The following CSMD3 variants were observed in gnomAD, a reference collection of about 807,000 sequenced individuals.
CSMD3 encodes CUB and Sushi multiple domains 3, also known as CUB and sushi domain-containing protein 3.
Under a neutral mutation model 435.2 loss-of-function variants are expected in CSMD3, and 177 were observed. The ratio of observed to expected loss-of-function variants is 0.41; its 90% CI spans 0.36 to 0.46. The LOEUF is 0.46. Ranked by LOEUF, CSMD3 falls within the 20% of genes least tolerant of loss-of-function variation. CSMD3 has a pLI of 0.34. For synonymous variants in CSMD3, 1,656 were observed against 1,520.5 expected (o/e 1.09, Z -2.07); for missense variants, 4,265 against 4,504.6 (o/e 0.95, Z 1.52).
At chr8:112,981,337 C>T (rs2085046740) in intron 6 of CSMD3, among the ~76,000 whole-genome samples, 1 of 151,268 alleles carries the variant, frequency 6.6e-6, no homozygotes, top group Non-Finnish European at 1.5e-5. Flanking sequence ...ATTCATGTAA[C>T]AGATTTTCTA....
rs142193450 is a variant in CSMD3, at chr8:112,441,724, T to C, written c.5395+30867A>G. ...GTAAGAAGGAGAAGAATGAGAGAAG[T>C]TCAGAGTGAAGGGGGAAAAGGCCCT... is the stretch of plus-strand genomic sequence containing the variant. On this transcript the variant is annotated intron_variant, in intron 32 of 70. Transcript: ENST00000297405. 8.0e-3 allele frequency among the ~76,000 whole-genome samples: 1,214 copies of C among 152,144 alleles called. 23 individuals carry two copies. The highest frequency in any genetic ancestry group is 0.027 in the African/African-American group (1,128 of 41,498).
chr8:113,244,945 T>A (rs1361660640), intron 3 of CSMD3, among the ~76,000 whole-genome samples: 1 of 152,188 alleles, frequency 6.6e-6, no homozygotes, highest in East Asian at 1.9e-4. Context: ...CTTTCATTTA[T>A]GTCAATTTTT....
chr8:113,340,232 TA>T (rs1456641528), intron 1 of CSMD3, among the ~76,000 whole-genome samples: 3 of 152,122 alleles, frequency 2.0e-5, no homozygotes, highest in African/African-American at 7.2e-5. Flanking sequence ...CATCCTTGAT[TA>T]TTAGAGTCAA....
At chr8:113,064,112 T>A (rs1399591439) in intron 5 of CSMD3, among the ~76,000 whole-genome samples, 1 of 151,766 alleles carries the variant, frequency 6.6e-6, no homozygotes, top group Non-Finnish European at 1.5e-5. Context: ...TAAAATTCAT[T>A]GCTTAAACTA....
At chr8:112,944,528 A>G (rs889474025) in intron 9 of CSMD3, among the ~76,000 whole-genome samples, 3 of 151,774 alleles carry the variant, frequency 2.0e-5, no homozygotes, top group Non-Finnish European at 4.4e-5. Context: ...AAAATGCCTC[A>G]TTATTTCAGT....
Position 112,307,172 on chromosome 8 carries a change from G to T in CSMD3, c.7886-980C>A, listed in dbSNP as rs1031704537. Among the ~76,000 whole-genome samples the T allele has an allele frequency of 2.0e-5, 3 of 151,704 alleles. No homozygotes were observed. In the East Asian group the frequency reaches 5.8e-4, roughly 29 times the overall value. The stretch of plus-strand genomic sequence containing the variant: ...AGGAGTCTCAATCTGCCGCCTGGCT[G>T]GAGTGCGGTGGCACTATCTGGGATC... On this transcript the variant is annotated intron_variant, in intron 50 of 70. Transcript: ENST00000297405.
chr8:112,772,736 G>A (rs1039356971), intron 13 of CSMD3, among the ~76,000 whole-genome samples: 4 of 152,052 alleles, frequency 2.6e-5, no homozygotes, highest in African/African-American at 4.8e-5. Context: ...TCCATCTACT[G>A]AGATAGGGGA....
chr8:113,306,436 A>G (rs913624433), intron 2 of CSMD3, among the ~76,000 whole-genome samples: 9 of 152,138 alleles, frequency 5.9e-5, no homozygotes, highest in African/African-American at 2.2e-4. Context: ...AAATCACTGG[A>G]GTGCACTGAC....
intron 27 of CSMD3, among the ~76,000 whole-genome samples, chr8:112,529,620 G>A (rs1428954432): frequency 6.6e-6 from 1 of 151,922 alleles, no homozygotes; most frequent in Non-Finnish European, 1.5e-5. Context: ...CCAGCTGTCT[G>A]TTTCTCCTTG....
chr8:113,406,227 G>C (rs540000011), intron 1 of CSMD3, among the ~76,000 whole-genome samples: 2 of 151,984 alleles, frequency 1.3e-5, no homozygotes, highest in Admixed American at 6.6e-5. Context: ...GTTCAGTTCT[G>C]ATACTTAATG....
chr8:112,778,750 A>G (rs532327509), intron 13 of CSMD3, among the ~76,000 whole-genome samples: 1 of 152,032 alleles, frequency 6.6e-6, no homozygotes, highest in Non-Finnish European at 1.5e-5. Context: ...TTTGTAAGAA[A>G]CTACCAAACT....
At chr8:112,467,822 C>T (rs1818113434) in intron 32 of CSMD3, among the ~76,000 whole-genome samples, 1 of 152,128 alleles carries the variant, frequency 6.6e-6, no homozygotes, top group Admixed American at 6.6e-5. Context: ...AACCTCAAGG[C>T]TTGCTGGGAG....
chr8:112,324,519 T>C (rs1823306904), intron 45 of CSMD3, among the ~76,000 whole-genome samples: 1 of 151,788 alleles, frequency 6.6e-6, no homozygotes, highest in South Asian at 2.1e-4. Context: ...TATATGCTAA[T>C]AGTTGGTGAG....
chr8:112,374,177 CAGT>C (rs1339722375), intron 38 of CSMD3, among the ~76,000 whole-genome samples: 1 of 150,142 alleles, frequency 6.7e-6, no homozygotes, highest in Non-Finnish European at 1.5e-5. Context: ...ACTGATTAGA[CAGT>C]AGATTTGCAA....
intron 10 of CSMD3, among the ~76,000 whole-genome samples, chr8:112,898,705 C>T (rs1013866870): frequency 4.6e-5 from 7 of 151,130 alleles, no homozygotes; most frequent in African/African-American, 1.7e-4. Context: ...TGTGCATGCA[C>T]ACCAACATGT....
chr8:112,824,093 T>C (rs990975399), intron 12 of CSMD3, among the ~76,000 whole-genome samples: 5 of 152,282 alleles, frequency 3.3e-5, no homozygotes, highest in African/African-American at 1.2e-4. Context: ...CTTTGTCTTT[T>C]TTTATCTTTG....
chr8:113,375,067 T>C (rs1168351542), intron 1 of CSMD3, among the ~76,000 whole-genome samples: 2 of 152,100 alleles, frequency 1.3e-5, no homozygotes, highest in African/African-American at 2.4e-5. Flanking sequence ...TTATGTTATA[T>C]ACAGAAGTTT....
At chr8:113,295,643 G>A (rs895476922) in intron 2 of CSMD3, among the ~76,000 whole-genome samples, 6 of 152,072 alleles carry the variant, frequency 3.9e-5, no homozygotes, top group African/African-American at 4.8e-5. Flanking sequence ...TCTAATCCTC[G>A]CACTTTGCAA....
intron 5 of CSMD3, among the ~76,000 whole-genome samples, chr8:113,063,719 C>G (rs2088718900): frequency 6.6e-6 from 1 of 151,836 alleles, no homozygotes; most frequent in South Asian, 2.1e-4. Flanking sequence ...AAACATAACT[C>G]TATTTAGTTT....
Sources: allele counts gnomAD v4.1 joint callset (sites outside exome capture counted in the v4.1 genomes callset), GRCh38; gene constraint gnomAD v4.1.1; transcripts MANE v1.5; gene names NCBI Gene and HGNC (gene_info 2026-07-23, HGNC 2026-07-21).